The following CELSR1 variants were observed in gnomAD, a reference collection of about 807,000 sequenced individuals.
The protein encoded by CELSR1 is cadherin EGF LAG seven-pass G-type receptor 1.
Under a neutral mutation model 249.1 loss-of-function variants are expected in CELSR1, and 110 were observed. The ratio of observed to expected loss-of-function variants is 0.44; its 90% CI spans 0.38 to 0.52. The LOEUF is 0.52. CELSR1 is among the 20% of genes least tolerant of loss of function. The probability of loss-of-function intolerance (pLI) is 0.00; values close to 1 mark genes in which losing one functional copy is unlikely to be tolerated. For missense variants in CELSR1, 4,109 were observed against 4,296.4 expected, an observed-to-expected ratio of 0.96 and a Z score of 1.22; for synonymous variants, 2,113 against 1,900.0, an observed-to-expected ratio of 1.11 and a Z score of -2.92.
At chr22:46,513,917 C>G (rs571976295) in intron 1 of CELSR1, among the ~76,000 whole-genome samples, 92 of 152,098 alleles carry the variant, frequency 6.0e-4, no homozygotes, top group East Asian at 1.5e-3. Flanking sequence ...CTCAGCCCCC[C>G]CCGAGTAGCT....
intron 2 of CELSR1, among the ~76,000 whole-genome samples, chr22:46,453,371 C>G (rs1019157440): frequency 6.6e-6 from 1 of 152,182 alleles, no homozygotes; most frequent in Non-Finnish European, 1.5e-5. Context: ...CACACCAGTG[C>G]GGGCCAGGAC....
Position 46,464,624 on chromosome 22 carries a change from C to T in CELSR1, c.3545-279G>A, listed in dbSNP as rs1286986772. 6.6e-6 allele frequency among the ~76,000 whole-genome samples: 1 copy of T among 152,050 alleles called. No homozygotes were observed. Among genetic ancestry groups the T allele is most frequent in the Non-Finnish European group, 1.5e-5 (1 of 67,996 alleles). ...CAGCTCCGATCACATCTTTCTCTGG[C>T]TCCGAATCCCTCAGAGGGCCCCAAG... On this transcript the variant is annotated intron_variant, in intron 1 of 34. Transcript: ENST00000674500. This position sits in a 1 kb window ranked among gnomAD's most constrained non-coding sequence, Gnocchi z 8.5.
At position 46,535,937 on chromosome 22, in the gene CELSR1, G is replaced by A. The variant is rs763360329; in HGVS notation, c.1234C>T (p.Arg412Trp). Reference sequence around the variant, plus strand: ...GCCTCCTCCCGGTCCAGCACCGCCCGTGTGCTCACCACGCCAGAGCTCTCG... The same window carrying A: ...GCCTCCTCCCGGTCCAGCACCGCCCATGTGCTCACCACGCCAGAGCTCTCG... ...LNESSGVVST[R>W]AVLDREEAAE... is the part of the protein sequence containing the mutation. Residue 412 changes from arginine (R) to tryptophan (W), a missense_variant, in exon 1 of 35, where the codon CGG becomes TGG. By Grantham distance (101) the Arg-to-Trp change is moderately radical (BLOSUM62 -3). Around this residue, in one of 7 missense-constraint regions of CELSR1, gnomAD observed 673 missense variants for 636.8 expected, o/e 1.06. Transcript: ENST00000674500. 7.5e-6 allele frequency: 12 copies of A among 1,608,832 alleles called. No individual in the cohort carries two copies. Among genetic ancestry groups the A allele is most frequent in the Non-Finnish European group, 1.0e-5 (12 of 1,179,602 alleles).
chr22:46,468,199 G>A lies in CELSR1; in HGVS notation c.3545-3854C>T, dbSNP rs2080117916. Among the ~76,000 whole-genome samples, 1 of 151,840 alleles carries A rather than the reference G, an allele frequency of 6.6e-6. No individual in the cohort carries two copies. The highest frequency in any genetic ancestry group is 2.4e-5 in the African/African-American group (1 of 41,322). The stretch of plus-strand genomic sequence containing the variant: ...TCAGGAGTTCAAGACCAGCCTGGGC[G>A]ACCTGGTGAAACCATGTCTCTACTA... On this transcript the variant is annotated intron_variant, in intron 1 of 34. Coordinates refer to ENST00000674500, the MANE Select transcript of CELSR1 (RefSeq NM_001378328.1). The surrounding 1 kb of genome is among the most constrained non-coding windows in gnomAD (Gnocchi z 4.5).
In CELSR1 at chr22:46,433,930, G is replaced by T. The variant is rs1411994654; in HGVS notation, c.4523-449C>A. Among the ~76,000 whole-genome samples the T allele has an allele frequency of 6.6e-6, 1 of 152,190 alleles. No individual in the cohort carries two copies. The highest frequency in any genetic ancestry group is 1.9e-4 in the East Asian group (1 of 5,188). On this transcript the variant is annotated intron_variant, in intron 4 of 34. Coordinates refer to ENST00000674500, the MANE Select transcript of CELSR1 (RefSeq NM_001378328.1). This position sits in a 1 kb window ranked among gnomAD's most constrained non-coding sequence, Gnocchi z 5.7. Reference sequence around the variant, plus strand: ...GAACTCCTGACCTCGTGATCTGCCTGCCTTGGCCTCCCAAACTGCTGGGAT... The same window carrying T: ...GAACTCCTGACCTCGTGATCTGCCTTCCTTGGCCTCCCAAACTGCTGGGAT...
chr22:46,428,036 C>G lies in CELSR1; in HGVS notation c.4611+5357G>C, dbSNP rs1226711800. ...ACCCAAGAGGTTTTGAATGACCTGA[C>G]AAGCAACAGGTGAGCAATCCCTAAT... On this transcript the variant is annotated intron_variant, in intron 5 of 34. Coordinates refer to ENST00000674500, the MANE Select transcript of CELSR1 (RefSeq NM_001378328.1). This position sits in a 1 kb window ranked among gnomAD's most constrained non-coding sequence, Gnocchi z 5.7. Among the ~76,000 whole-genome samples the G allele has an allele frequency of 6.6e-6, 1 of 152,168 alleles. No homozygotes were observed. Among genetic ancestry groups the G allele is most frequent in the Non-Finnish European group, 1.5e-5 (1 of 68,034 alleles).
At chr22:46,524,289 G>A (rs1001902565) in intron 1 of CELSR1, among the ~76,000 whole-genome samples, 1 of 152,166 alleles carries the variant, frequency 6.6e-6, no homozygotes, top group Non-Finnish European at 1.5e-5. Flanking sequence ...AGGCGGTCCC[G>A]CGCCCACTTC....
chr22:46,377,869 A>G (rs1452639738), intron 23 of CELSR1, among the ~76,000 whole-genome samples: 3 of 152,166 alleles, frequency 2.0e-5, no homozygotes, highest in Non-Finnish European at 1.5e-5. Flanking sequence ...CACATCAAAA[A>G]GCCCTCGGAA....
rs142108229 is a variant in CELSR1 at position 46,441,046 on chromosome 22, G to A, written c.4184-1635C>T. On this transcript the variant is annotated intron_variant, in intron 2 of 34. Transcript: ENST00000674500. This position sits in a 1 kb window ranked among gnomAD's most constrained non-coding sequence, Gnocchi z 6.1. ...CGGGTGCCTGTAATCCCATCTACTC[G>A]GGAGGCTGAGGCAGGAGAACTGCTT... Among the ~76,000 whole-genome samples the A allele has an allele frequency of 0.026, 3,979 of 151,940 alleles. 179 individuals carry two copies. Among genetic ancestry groups the A allele is most frequent in the African/African-American group, 0.092 (3,793 of 41,410 alleles).
intron 1 of CELSR1, among the ~76,000 whole-genome samples, chr22:46,515,967 G>A (rs2080623132): frequency 6.6e-6 from 1 of 152,214 alleles, no homozygotes; most frequent in African/African-American, 2.4e-5. Context: ...ACAGGTACTG[G>A]AGAGAATGTG....
At chr22:46,384,959 T>A (rs1331641974) in intron 19 of CELSR1, among the ~76,000 whole-genome samples, 1 of 151,770 alleles carries the variant, frequency 6.6e-6, no homozygotes, top group African/African-American at 2.4e-5. Context: ...CCTGGCTAAT[T>A]TTTTGTATTT....
At chr22:46,452,685 C>T (rs940897684) in intron 2 of CELSR1, among the ~76,000 whole-genome samples, 5 of 152,180 alleles carry the variant, frequency 3.3e-5, no homozygotes, top group Non-Finnish European at 1.5e-5. Flanking sequence ...TTTAGAAGGA[C>T]GTTGGTGGCA....
chr22:46,474,254 C>G (rs1290195201), intron 1 of CELSR1, among the ~76,000 whole-genome samples: 1 of 152,146 alleles, frequency 6.6e-6, no homozygotes, highest in Non-Finnish European at 1.5e-5. Flanking sequence ...ACTGGCTGGA[C>G]AATGGAGAAG....
chr22:46,398,442 A>G lies in CELSR1; in HGVS notation c.5526+82T>C. The G allele has an allele frequency of 1.1e-6, 1 of 951,510 alleles. No individual in the cohort carries two copies. The highest frequency in any genetic ancestry group is 2.6e-5 in the Admixed American group (1 of 38,182). The allele number at this position is 951,510 out of a possible 1,614,324, so 58.9% of individuals were successfully genotyped here. ...TCGTTGAAAGCTAACAGGTTGACCA[A>G]CGGAACCACCTATGGTGCTGCCAGC... On this transcript the variant is annotated intron_variant, in intron 11 of 34. Coordinates refer to ENST00000674500, the MANE Select transcript of CELSR1 (RefSeq NM_001378328.1). This position sits in a 1 kb window ranked among gnomAD's most constrained non-coding sequence, Gnocchi z 7.2.
chr22:46,534,009 C>T lies in CELSR1; in HGVS notation c.3162G>A (p.Gly1054=), dbSNP rs749004504. The T allele has an allele frequency of 1.9e-6, 3 of 1,613,714 alleles. No homozygotes were observed. The highest frequency in any genetic ancestry group is 1.7e-6 in the Non-Finnish European group (2 of 1,180,024). The change falls in exon 1 of 35, where the codon GGG becomes GGA. Residue 1054 remains glycine (G), a synonymous_variant. Transcript: ENST00000674500. The surrounding 1 kb of genome is among the most constrained non-coding windows in gnomAD (Gnocchi z 9.7). The stretch of plus-strand genomic sequence containing the variant: ...CCAGCTCCACCATGGCACGCAGGTC[C>T]CCGTTGAGCAGGTCCAGCTGGAAGA... ...RHFFQLDLLN[G]DLRAMVELDF... is the part of the protein sequence containing the mutation.
chr22:46,396,525 A>G lies in CELSR1; in HGVS notation c.5843+80T>C. 1 of 1,361,286 alleles carries G rather than the reference A, an allele frequency of 7.3e-7. No individual in the cohort carries two copies. Among genetic ancestry groups the G allele is most frequent in the Non-Finnish European group, 9.6e-7 (1 of 1,046,930 alleles). 84.3% of individuals were successfully genotyped at this position (1,361,286 alleles called of 1,614,324 possible). A position where few individuals can be genotyped will look rare whatever the true frequency, so the allele number is the denominator to read the frequency against. On this transcript the variant is annotated intron_variant, in intron 13 of 34. Coordinates refer to ENST00000674500, the MANE Select transcript of CELSR1 (RefSeq NM_001378328.1). This position sits in a 1 kb window ranked among gnomAD's most constrained non-coding sequence, Gnocchi z 6.4. ...TCACACATATCTTTGGGTCAAAATA[A>G]GAAAGAGAAGACACTGAGTCGAGGG... is the stretch of plus-strand genomic sequence containing the variant.
chr22:46,366,316 T>C, intron 30 of CELSR1, 70 bp downstream of exon 30: 2 of 1,219,794 alleles, frequency 1.6e-6, no homozygotes, highest in African/African-American at 1.6e-5. Flanking sequence ...AGGACACAGG[T>C]TGGGGTGGCA....
At position 46,408,823 on chromosome 22, in the gene CELSR1, G is replaced by A. The variant is rs1198530763; in HGVS notation, c.5226+173C>T. Among the ~76,000 whole-genome samples, 3 of 152,206 alleles carry A rather than the reference G, an allele frequency of 2.0e-5. No individual in the cohort carries two copies. The highest frequency in any genetic ancestry group is 4.8e-5 in the African/African-American group (2 of 41,458). On this transcript the variant is annotated intron_variant, in intron 9 of 34. Coordinates refer to ENST00000674500, the MANE Select transcript of CELSR1 (RefSeq NM_001378328.1). The surrounding 1 kb of genome is among the most constrained non-coding windows in gnomAD (Gnocchi z 4.6). ...GCTCCCTCGCTGTCTCCGCCTCCCA[G>A]AGGAAAGAAAGGGCTGATATTCCCC...
intron 2 of CELSR1, among the ~76,000 whole-genome samples, chr22:46,455,612 A>G (rs2079939154): frequency 6.6e-6 from 1 of 152,118 alleles, no homozygotes; most frequent in Non-Finnish European, 1.5e-5. Flanking sequence ...GAGACAACAG[A>G]TTTCTGTCGT....
Sources: gnomAD v4.1 joint callset for allele counts (sites outside exome capture counted in the v4.1 genomes callset) on GRCh38, gnomAD v4.1.1 for gene constraint, gnomAD v4.1.1 regional missense constraint, Gnocchi (gnomAD v3.1) non-coding constraint, MANE v1.5 for transcripts, NCBI Gene and HGNC (gene_info 2026-07-23, HGNC 2026-07-21) for gene names.